The following DIRAS2 variants were observed in gnomAD, a reference collection of about 807,000 sequenced individuals.
The protein encoded by DIRAS2 is GTP-binding protein Di-Ras2.
A neutral mutation model predicts 13.9 loss-of-function variants in DIRAS2; 5 were observed. The ratio of observed to expected loss-of-function variants is 0.36; its 90% CI spans 0.19 to 0.76. The LOEUF is 0.76. Ranked by LOEUF, DIRAS2 falls within the 30% of genes least tolerant of loss-of-function variation. DIRAS2 has a pLI of 0.53. For synonymous variants in DIRAS2, 111 were observed against 105.4 expected, an observed-to-expected ratio of 1.05 and a Z score of -0.33; for missense variants, 191 against 263.0, an observed-to-expected ratio of 0.73 and a Z score of 1.89.
chr9:90,610,404 G>T lies in DIRAS2; in HGVS notation c.*2824C>A. 1 of 398,976 alleles carries T rather than the reference G, an allele frequency of 2.5e-6. No homozygotes were observed. Among genetic ancestry groups the T allele is most frequent in the Non-Finnish European group, 4.4e-6 (1 of 226,056 alleles). 24.7% of individuals were successfully genotyped at this position (398,976 alleles called of 1,614,324 possible). ...GCTCTTGTGTTGGTCTTGCTGCATT[G>T]TATGCATGCCCATGGCTTGTCGCTG... On this transcript the variant is annotated 3_prime_UTR_variant, in exon 2 of 2. Transcript: ENST00000375765.
intron 1 of DIRAS2, among the ~76,000 whole-genome samples, chr9:90,622,451 T>G (rs573388186): frequency 1.0e-4 from 15 of 149,948 alleles, no homozygotes; most frequent in African/African-American, 3.4e-4. Context: ...GGATCTTACT[T>G]TTTTCCGGAG....
chr9:90,616,577 T>A (rs574548054), intron 1 of DIRAS2, among the ~76,000 whole-genome samples: 2 of 152,128 alleles, frequency 1.3e-5, no homozygotes, highest in African/African-American at 4.8e-5. Context: ...CAATGTGCAT[T>A]TATGAGATAG....
chr9:90,617,852 T>C (rs886104959), intron 1 of DIRAS2, among the ~76,000 whole-genome samples: 2 of 152,164 alleles, frequency 1.3e-5, no homozygotes, highest in Non-Finnish European at 2.9e-5. Context: ...AGTAAGATAC[T>C]TAGGAATAAA....
chr9:90,613,794 C>A lies in DIRAS2; in HGVS notation c.34G>T (p.Val12Leu). 1.2e-6 allele frequency: 2 copies of A among 1,613,872 alleles called. No homozygotes were observed. The highest frequency in any genetic ancestry group is 2.2e-5 in the South Asian group (2 of 91,020). The change falls in exon 2 of 2, where the codon GTG (valine) becomes TTG (leucine). Residue 12 changes from valine (V) to leucine (L), a missense_variant. By Grantham distance (32) the Val-to-Leu change is conservative (BLOSUM62 1). Transcript: ENST00000375765. This position sits in a 1 kb window ranked among gnomAD's most constrained non-coding sequence, Gnocchi z 5.6. ...TTGCCAACACCGCCAGCCCCAAACA[C>A]GGCCACCCGGTAATCGTTACTCTGC... ...PEQSNDYRVA[V>L]FGAGGVGKSS...
At chr9:90,627,140 C>T (rs966600530) in intron 1 of DIRAS2, among the ~76,000 whole-genome samples, 1 of 152,142 alleles carries the variant, frequency 6.6e-6, no homozygotes, top group African/African-American at 2.4e-5. Context: ...CTGCTTTCAC[C>T]ATGTGAAGTG....
intron 1 of DIRAS2, among the ~76,000 whole-genome samples, chr9:90,620,086 G>A (rs1825205698): frequency 6.6e-6 from 1 of 152,108 alleles, no homozygotes; most frequent in Admixed American, 6.5e-5. Context: ...AGGTTTCTTT[G>A]GGGGAAATGA....
intron 1 of DIRAS2, among the ~76,000 whole-genome samples, chr9:90,623,206 A>G (rs757163680): frequency 2.6e-5 from 4 of 151,844 alleles, no homozygotes; most frequent in Non-Finnish European, 4.4e-5. Context: ...CATTTCCCCA[A>G]ATGTCTGCTG....
chr9:90,624,597 A>G (rs1825250670), intron 1 of DIRAS2, among the ~76,000 whole-genome samples: 1 of 152,250 alleles, frequency 6.6e-6, no homozygotes, highest in South Asian at 2.1e-4. Context: ...CAAGAGGCCA[A>G]TAAGCCCACA....
intron 1 of DIRAS2, among the ~76,000 whole-genome samples, chr9:90,624,339 A>C (rs1330027155): frequency 6.6e-6 from 1 of 152,242 alleles, no homozygotes; most frequent in Non-Finnish European, 1.5e-5. Context: ...ATCATAAAAG[A>C]GACTTAAACA....
chr9:90,619,500 G>T (rs62556816), intron 1 of DIRAS2, among the ~76,000 whole-genome samples: 1 of 152,056 alleles, frequency 6.6e-6, no homozygotes, highest in African/African-American at 2.4e-5. Flanking sequence ...CACTTGGATG[G>T]TTATAATCAA....
At chr9:90,624,719 T>A (rs1825251841) in intron 1 of DIRAS2, among the ~76,000 whole-genome samples, 3 of 100,148 alleles carry the variant, frequency 3.0e-5, no homozygotes, top group East Asian at 2.1e-4. Context: ...TAATGACACT[T>A]TTTTTTTTTT....
intron 1 of DIRAS2, among the ~76,000 whole-genome samples, chr9:90,619,965 C>A (rs1383104074): frequency 6.8e-6 from 1 of 148,048 alleles, no homozygotes; most frequent in African/African-American, 2.5e-5. Context: ...TGTATGGTTC[C>A]ATCATATGAA....
At position 90,610,175 on chromosome 9, in the gene DIRAS2, T is replaced by A. The variant is rs964390694; in HGVS notation, c.*3053A>T. 8.6e-6 allele frequency: 3 copies of A among 350,136 alleles called. No homozygotes were observed. Among genetic ancestry groups the A allele is most frequent in the African/African-American group, 6.3e-5 (3 of 47,662 alleles). 21.7% of individuals were successfully genotyped at this position (350,136 alleles called of 1,614,324 possible). ...CATTACAAATTTTGGGGAAAAAAAT[T>A]AAGTATCACAGAGCAATTTTTAAAA... On this transcript the variant is annotated 3_prime_UTR_variant, in exon 2 of 2. Transcript: ENST00000375765.
intron 1 of DIRAS2, among the ~76,000 whole-genome samples, chr9:90,638,940 C>T (rs1825394834): frequency 6.6e-6 from 1 of 152,098 alleles, no homozygotes; most frequent in Non-Finnish European, 1.5e-5. Context: ...CCTTCAAAGG[C>T]TCCTTTGTCT....
At chr9:90,628,961 T>G (rs566398785) in intron 1 of DIRAS2, among the ~76,000 whole-genome samples, 1 of 152,136 alleles carries the variant, frequency 6.6e-6, no homozygotes, top group South Asian at 2.1e-4. Flanking sequence ...TTCACGCCAT[T>G]CTCCTGCTTC....
At chr9:90,628,826 T>G (rs1470274011) in intron 1 of DIRAS2, among the ~76,000 whole-genome samples, 1 of 149,948 alleles carries the variant, frequency 6.7e-6, no homozygotes, top group Non-Finnish European at 1.5e-5. Context: ...GGATTACAAG[T>G]GTGAACCACC....
At position 90,610,706 on chromosome 9, in the gene DIRAS2, T is replaced by C. The variant is rs1053197577; in HGVS notation, c.*2522A>G. 16 of 324,102 alleles carry C rather than the reference T, an allele frequency of 4.9e-5. No homozygotes were observed. Among genetic ancestry groups the C allele is most frequent in the African/African-American group, 8.5e-5 (4 of 47,224 alleles). 20.1% of individuals were successfully genotyped at this position (324,102 alleles called of 1,614,324 possible). ...GATCTCCTAAAAGACGATTTTGAGA[T>C]AACCATTGATATCCTCAGTTCAGCT... On this transcript the variant is annotated 3_prime_UTR_variant, in exon 2 of 2. Coordinates refer to ENST00000375765, the MANE Select transcript of DIRAS2 (RefSeq NM_017594.5).
chr9:90,632,288 A>C (rs1411529518), intron 1 of DIRAS2, among the ~76,000 whole-genome samples: 1 of 151,800 alleles, frequency 6.6e-6, no homozygotes, highest in Non-Finnish European at 1.5e-5. Flanking sequence ...CCCCCAGCTC[A>C]CTCAATTCCA....
chr9:90,636,055 T>TA (rs10664304), intron 1 of DIRAS2, among the ~76,000 whole-genome samples: 1 of 120,244 alleles, frequency 8.3e-6, no homozygotes, highest in Non-Finnish European at 1.7e-5. Context: ...TTTTTTTTTT[T>TA]GAGACAGAGT....
Sources: allele counts gnomAD v4.1 joint callset (sites outside exome capture counted in the v4.1 genomes callset), GRCh38; gene constraint gnomAD v4.1.1; non-coding constraint Gnocchi (gnomAD v3.1); transcripts MANE v1.5; gene names NCBI Gene and HGNC (gene_info 2026-07-23, HGNC 2026-07-21).